Variants in HOPX observed in about 807,000 individuals in gnomAD.
HOPX encodes homeodomain-only protein.
Under a neutral mutation model 11.8 loss-of-function variants are expected in HOPX, and 5 were observed. The observed-to-expected ratio is 0.43, with a 90% confidence interval of 0.22 to 0.89. The LOEUF is 0.89. HOPX is among the 40% of genes least tolerant of loss of function. HOPX has a pLI of 0.28. For synonymous variants in HOPX, 49 were observed against 49.7 expected (o/e 0.99, Z 0.06); for missense variants, 119 against 120.0 (o/e 0.99, Z 0.04).
intron 1 of HOPX, among the ~76,000 whole-genome samples, chr4:56,678,438 ATTTTTTTTTTT>A (rs57921708): frequency 1.0e-5 from 1 of 100,258 alleles, no homozygotes; most frequent in East Asian, 3.0e-4. Flanking sequence ...CTAGTCACTG[ATTTTTTTTTTT>A]TTTTTTTTTT....
upstream of HOPX, chr4:56,681,578 A>C: frequency 1.0e-6 from 1 of 1,000,200 alleles, no homozygotes; most frequent in Non-Finnish European, 1.2e-6. Context: ...TCACCAAGAT[A>C]GGATAAGAGA....
chr4:56,653,454 G>A (rs75303232), intron 3 of HOPX, among the ~76,000 whole-genome samples: 2,971 of 152,222 alleles, frequency 0.02, 57 homozygotes, highest in South Asian at 0.11. Context: ...TACCCATGGG[G>A]GTAGTGGGGT....
intron 1 of HOPX, 124 bp downstream of exon 1, chr4:56,681,131 A>G: frequency 2.1e-6 from 2 of 971,580 alleles, no homozygotes; most frequent in Non-Finnish European, 2.4e-6. Context: ...TGTCATTCCT[A>G]TTCTCCCTTT....
intron 3 of HOPX, chr4:56,651,283 G>A (rs567460218): frequency 1.3e-5 from 2 of 153,058 alleles, no homozygotes; most frequent in South Asian, 4.1e-4. Flanking sequence ...AACATTGGGG[G>A]ATGGGAGGAG....
chr4:56,674,244 A>T (rs535438312), intron 1 of HOPX, among the ~76,000 whole-genome samples: 1 of 151,842 alleles, frequency 6.6e-6, no homozygotes, highest in South Asian at 2.1e-4. Context: ...TACTTCCAAC[A>T]TTAGTTATTA....
intron 1 of HOPX, among the ~76,000 whole-genome samples, chr4:56,670,266 G>A (rs1261811770): frequency 2.8e-4 from 42 of 152,176 alleles, no homozygotes; most frequent in African/African-American, 2.4e-5. Flanking sequence ...ATAGAGAAGG[G>A]GTCAGATTTG....
chr4:56,680,384 C>T (rs1354287250), intron 1 of HOPX: 2 of 152,138 alleles, frequency 1.3e-5, no homozygotes, highest in African/African-American at 2.4e-5. Flanking sequence ...TTACTATCTG[C>T]TCCTCCCTTC....
In HOPX at chr4:56,671,957, C is replaced by A. The variant is rs116529748; in HGVS notation, c.-84+9298G>T. On this transcript the variant is annotated intron_variant, in intron 1 of 3. Transcript: ENST00000420433. Reference sequence around the variant, plus strand: ...CCTGTCACACAATGTTGTAGGATTCCATGAGATGGATTATGTTTATGAATG... The same window carrying A: ...CCTGTCACACAATGTTGTAGGATTCAATGAGATGGATTATGTTTATGAATG... 2.6e-3 allele frequency among the ~76,000 whole-genome samples: 397 copies of A among 152,106 alleles called. 7 individuals are homozygous for A. Among genetic ancestry groups the A allele is most frequent in the Middle Eastern group, 0.01 (3 of 294 alleles).
At chr4:56,668,126 T>C (rs2109529991) in intron 1 of HOPX, among the ~76,000 whole-genome samples, 1 of 152,322 alleles carries the variant, frequency 6.6e-6, no homozygotes, top group South Asian at 2.1e-4. Context: ...GGTTTTGCCA[T>C]GTTGGCCAGA....
intron 1 of HOPX, among the ~76,000 whole-genome samples, chr4:56,671,559 G>A (rs796330580): frequency 4.6e-5 from 7 of 152,150 alleles, no homozygotes; most frequent in African/African-American, 1.7e-4. Context: ...AACCACCCAT[G>A]CTGCTTGTTG....
intron 1 of HOPX, among the ~76,000 whole-genome samples, chr4:56,658,939 A>G (rs114375500): frequency 0.027 from 4,167 of 152,296 alleles, 93 homozygotes; most frequent in South Asian, 0.11. Context: ...ATTAATTCCA[A>G]TGCTTGGGGT....
chr4:56,661,417 T>C (rs1718119941), intron 1 of HOPX, among the ~76,000 whole-genome samples: 1 of 152,216 alleles, frequency 6.6e-6, no homozygotes, highest in Non-Finnish European at 1.5e-5. Flanking sequence ...CTGAACACTC[T>C]TGTATATGCC....
intron 1 of HOPX, chr4:56,662,346 T>C (rs1345780348): frequency 1.3e-5 from 2 of 152,220 alleles, no homozygotes; most frequent in Non-Finnish European, 1.5e-5. Flanking sequence ...AGAGTTAAAT[T>C]GTCTACAGCA....
chr4:56,681,042 G>T, intron 1 of HOPX: 3 of 985,054 alleles, frequency 3.0e-6, no homozygotes, highest in Non-Finnish European at 3.6e-6. Flanking sequence ...AATTCCCCTC[G>T]ACCCCATGCA....
At chr4:56,650,784 A>G (rs1717096074) in intron 3 of HOPX, 3 of 1,550,596 alleles carry the variant, frequency 1.9e-6, no homozygotes, top group South Asian at 2.4e-5. Flanking sequence ...TGGGTGCCAT[A>G]TTTTGCTCCT....
chr4:56,676,737 G>A (rs964601941), intron 1 of HOPX, among the ~76,000 whole-genome samples: 1 of 151,534 alleles, frequency 6.6e-6, no homozygotes, highest in African/African-American at 2.4e-5. Context: ...CCTCCCCACT[G>A]CTGCTGTCAC....
At chr4:56,650,842 T>C (rs915670439) in intron 3 of HOPX, 2 of 1,515,366 alleles carry the variant, frequency 1.3e-6, no homozygotes, top group African/African-American at 1.4e-5. Flanking sequence ...TCATGTAACT[T>C]TGGCAGCTTC....
At chr4:56,667,924 T>A (rs1199697467) in intron 1 of HOPX, among the ~76,000 whole-genome samples, 1 of 152,316 alleles carries the variant, frequency 6.6e-6, no homozygotes, top group African/African-American at 2.4e-5. Context: ...GTTGTACTGG[T>A]GTAATTATTA....
intron 1 of HOPX, chr4:56,680,078 C>G (rs1719247620): frequency 6.6e-6 from 1 of 152,052 alleles, no homozygotes; most frequent in South Asian, 2.1e-4. Flanking sequence ...GTTTTTAACT[C>G]GCCACCACTT....
Sources: allele counts gnomAD v4.1 joint callset (sites outside exome capture counted in the v4.1 genomes callset), GRCh38; gene constraint gnomAD v4.1.1; transcripts MANE v1.5; gene names NCBI Gene and HGNC (gene_info 2026-07-23, HGNC 2026-07-21).